LPP: variants seen among roughly 807,000 people sequenced by gnomAD.
LPP encodes LIM domain containing preferred translocation partner in lipoma.
LPP carries 38 observed loss-of-function variants against 60.4 expected under a neutral mutation model. That is an observed-to-expected ratio of 0.63 (90% CI 0.49 to 0.83). The LOEUF (loss-of-function observed/expected upper bound fraction) is 0.83. Ranked by LOEUF, LPP falls within the 40% of genes least tolerant of loss-of-function variation. The probability of loss-of-function intolerance (pLI) is 0.00; values close to 1 mark genes in which losing one functional copy is unlikely to be tolerated. For missense variants in LPP, 902 were observed against 783.6 expected, an observed-to-expected ratio of 1.15 and a Z score of -1.80; for synonymous variants, 328 against 290.8, an observed-to-expected ratio of 1.13 and a Z score of -1.30.
chr3:188,592,312 C>T (rs1179771287), intron 6 of LPP, among the ~76,000 whole-genome samples: 5 of 151,668 alleles, frequency 3.3e-5, no homozygotes, highest in Non-Finnish European at 5.9e-5. Flanking sequence ...AGAGGGTTCA[C>T]ATTTAAGCAC....
chr3:188,347,394 T>C (rs1764685303), intron 3 of LPP, among the ~76,000 whole-genome samples: 1 of 152,238 alleles, frequency 6.6e-6, no homozygotes, highest in African/African-American at 2.4e-5. Flanking sequence ...TAGATAATCA[T>C]ATGAAACACA....
chr3:188,714,071 A>AT (rs1712778824), intron 8 of LPP, among the ~76,000 whole-genome samples: 1 of 152,116 alleles, frequency 6.6e-6, no homozygotes, highest in Non-Finnish European at 1.5e-5. Context: ...TCTTCATTTC[A>AT]TTTTTTGGAT....
chr3:188,343,082 C>T (rs1270364618), intron 3 of LPP, among the ~76,000 whole-genome samples: 2 of 151,936 alleles, frequency 1.3e-5, no homozygotes, highest in Non-Finnish European at 1.5e-5. Context: ...CGTAGGTATA[C>T]ATGTGCCATG....
At chr3:188,505,052 T>G (rs1288978621) in intron 5 of LPP, among the ~76,000 whole-genome samples, 8 of 152,262 alleles carry the variant, frequency 5.3e-5, no homozygotes, top group Non-Finnish European at 1.5e-5. Flanking sequence ...GGGGTATAGG[T>G]AGTTGCTATT....
At chr3:188,299,613 C>T (rs1374939160) in intron 2 of LPP, among the ~76,000 whole-genome samples, 5 of 152,098 alleles carry the variant, frequency 3.3e-5, no homozygotes, top group Admixed American at 6.5e-5. Context: ...ATAGTCTCCC[C>T]GTCCCACTGT....
chr3:188,603,090 G>T (rs907948963), intron 6 of LPP, among the ~76,000 whole-genome samples: 1 of 150,982 alleles, frequency 6.6e-6, no homozygotes, highest in Non-Finnish European at 1.5e-5. Flanking sequence ...AGTCAGAAGA[G>T]TAATATTGGA....
intron 9 of LPP, among the ~76,000 whole-genome samples, chr3:188,792,980 A>T (rs1744239311): frequency 1.3e-5 from 2 of 152,108 alleles, no homozygotes; most frequent in South Asian, 4.1e-4. Flanking sequence ...GAGGGGAAGA[A>T]GACAGGGCCG....
At chr3:188,757,228 GTGAC>G (rs1730569958) in intron 8 of LPP, among the ~76,000 whole-genome samples, 4 of 79,270 alleles carry the variant, frequency 5.0e-5, no homozygotes, top group Non-Finnish European at 1.4e-4. Context: ...CACTGACATC[GTGAC>G]ATCGTCGAAT....
At chr3:188,819,241 T>C (rs1296681155) in intron 9 of LPP, among the ~76,000 whole-genome samples, 2 of 152,130 alleles carry the variant, frequency 1.3e-5, no homozygotes, top group Non-Finnish European at 2.9e-5. Flanking sequence ...TGGGCTTCTA[T>C]CGATCCCATC....
intron 9 of LPP, among the ~76,000 whole-genome samples, chr3:188,767,569 C>A (rs1734563407): frequency 6.6e-6 from 1 of 152,230 alleles, no homozygotes; most frequent in East Asian, 1.9e-4. Context: ...TATCTTCTGT[C>A]TAAATCTGCA....
chr3:188,431,077 A>G (rs988354020), intron 4 of LPP, among the ~76,000 whole-genome samples: 4 of 152,106 alleles, frequency 2.6e-5, no homozygotes, highest in South Asian at 2.1e-4. Flanking sequence ...AGTTTTCTCT[A>G]TATTGAATAT....
rs1783454776 is a variant in LPP, at chr3:188,406,214, C to T, written c.94C>T (p.Pro32Ser). Reference protein sequence around the residue: ...RMETTHSFGNPSISVSTQQPP... With the variant: ...RMETTHSFGNSSISVSTQQPP... ...GGAGACCACCCATTCCTTTGGGAAC[C>T]CCAGCATTTCAGTGTCTACACAACA... The change falls in exon 4 of 12, where the codon CCC (proline) becomes TCC (serine). Residue 32 changes from proline (P) to serine (S), a missense_variant. Pro to Ser is a moderately conservative substitution (Grantham distance 74). Coordinates refer to ENST00000617246, the MANE Select transcript of LPP (RefSeq NM_001375462.1). 2 of 1,614,158 alleles carry T rather than the reference C, an allele frequency of 1.2e-6. No homozygotes were observed.
At chr3:188,370,165 A>T (rs942385089) in intron 3 of LPP, among the ~76,000 whole-genome samples, 12 of 152,072 alleles carry the variant, frequency 7.9e-5, no homozygotes, top group African/African-American at 2.9e-4. Context: ...TGACCTCTTG[A>T]TTCACCTGCC....
intron 6 of LPP, among the ~76,000 whole-genome samples, chr3:188,555,517 G>A (rs1263557021): frequency 6.6e-6 from 1 of 152,042 alleles, no homozygotes; most frequent in South Asian, 2.1e-4. Context: ...TGGGATTCTG[G>A]ATATATTTCC....
intron 2 of LPP, among the ~76,000 whole-genome samples, chr3:188,276,888 T>TC (rs1740041071): frequency 9.0e-6 from 1 of 110,974 alleles, no homozygotes; most frequent in Non-Finnish European, 1.8e-5. Flanking sequence ...CCACTTCTTT[T>TC]CTTTTCTTTT....
chr3:188,534,260 G>A (rs1822970219), intron 6 of LPP, among the ~76,000 whole-genome samples: 1 of 152,180 alleles, frequency 6.6e-6, no homozygotes, highest in Admixed American at 6.5e-5. Flanking sequence ...ACTGTGATTT[G>A]TTTGTTTGAC....
chr3:188,812,956 G>C (rs773129474), intron 9 of LPP, among the ~76,000 whole-genome samples: 26 of 152,058 alleles, frequency 1.7e-4, no homozygotes, highest in Non-Finnish European at 3.4e-4. Flanking sequence ...CAGGGAAAGG[G>C]AAGGAGAATG....
At chr3:188,688,509 T>C (rs1400038806) in intron 7 of LPP, among the ~76,000 whole-genome samples, 3 of 152,190 alleles carry the variant, frequency 2.0e-5, no homozygotes, top group Admixed American at 1.3e-4. Context: ...AGTTGGAAGA[T>C]GGAAGTGTGG....
chr3:188,701,490 G>A (rs145590447), intron 7 of LPP, among the ~76,000 whole-genome samples: 87 of 152,238 alleles, frequency 5.7e-4, no homozygotes, highest in African/African-American at 2.0e-3. Flanking sequence ...ATATTGTATT[G>A]CCGTAAGGCA....
Sources: gnomAD v4.1 joint callset for allele counts (sites outside exome capture counted in the v4.1 genomes callset) on GRCh38, gnomAD v4.1.1 for gene constraint, MANE v1.5 for transcripts, NCBI Gene and HGNC (gene_info 2026-07-23, HGNC 2026-07-21) for gene names.